ERC2: variants seen among roughly 807,000 people sequenced by gnomAD.
The protein encoded by ERC2 is ELKS/RAB6-interacting/CAST family member 2.
Under a neutral mutation model 114.8 loss-of-function variants are expected in ERC2, and 42 were observed. That is an observed-to-expected ratio of 0.37 (90% confidence interval 0.29 to 0.47). ERC2 has a LOEUF of 0.47. Among genes scored for constraint, ERC2 ranks in the 20% least tolerant of loss-of-function variants. ERC2 has a pLI of 0.99. For synonymous variants in ERC2, 454 were observed against 425.5 expected (o/e 1.07, Z -0.82); for missense variants, 939 against 1,150.7 (o/e 0.82, Z 2.66).
chr3:56,419,838 AT>A (rs1446936628), intron 2 of ERC2, among the ~76,000 whole-genome samples: 1 of 152,182 alleles, frequency 6.6e-6, no homozygotes, highest in African/African-American at 2.4e-5. Flanking sequence ...AAATTATGAC[AT>A]TTTCATCAGC....
chr3:56,013,627 G>C (rs1490939659), intron 8 of ERC2, among the ~76,000 whole-genome samples: 1 of 152,170 alleles, frequency 6.6e-6, no homozygotes. Flanking sequence ...TCTAGGCCCA[G>C]AAATGGGGGA....
chr3:56,333,864 T>C (rs2057739895), intron 2 of ERC2, among the ~76,000 whole-genome samples: 1 of 152,150 alleles, frequency 6.6e-6, no homozygotes, highest in African/African-American at 2.4e-5. Context: ...AAAGAATAAC[T>C]AAAGGAAACA....
chr3:55,533,847 C>T (rs2053823943), intron 17 of ERC2, among the ~76,000 whole-genome samples: 1 of 152,184 alleles, frequency 6.6e-6, no homozygotes, highest in African/African-American at 2.4e-5. Context: ...ATAACATTTC[C>T]TTCGAATTCA....
chr3:55,672,622 C>T (rs1469468715), intron 17 of ERC2, among the ~76,000 whole-genome samples: 2 of 152,146 alleles, frequency 1.3e-5, no homozygotes, highest in Admixed American at 6.5e-5. Context: ...GGCAAGGGTG[C>T]TATGTGAGTG....
intron 2 of ERC2, among the ~76,000 whole-genome samples, chr3:56,432,144 T>C (rs932162480): frequency 1.3e-5 from 2 of 152,262 alleles, no homozygotes; most frequent in Non-Finnish European, 2.9e-5. Context: ...CTCATCCACA[T>C]TTAATTCTTC....
intron 7 of ERC2, among the ~76,000 whole-genome samples, chr3:56,036,498 G>A (rs537681454): frequency 3.9e-5 from 6 of 152,288 alleles, no homozygotes; most frequent in African/African-American, 1.4e-4. Flanking sequence ...ATGGCTGACT[G>A]GAAGCAGCTG....
chr3:56,375,237 G>A (rs73073994), intron 2 of ERC2, among the ~76,000 whole-genome samples: 10,327 of 152,282 alleles, frequency 0.068, 546 homozygotes, highest in African/African-American at 0.14. Flanking sequence ...ATGGGAGAGC[G>A]GGAAAGGGAT....
At chr3:55,899,159 A>C (rs2063991709) in intron 13 of ERC2, among the ~76,000 whole-genome samples, 1 of 152,266 alleles carries the variant, frequency 6.6e-6, no homozygotes, top group Admixed American at 6.5e-5. Context: ...GGTGATGTTC[A>C]GAAATTATTT....
In ERC2 at chr3:55,609,888, G is replaced by A. The variant is rs754362262; in HGVS notation, c.*39+73906C>T. Reference sequence around the variant, plus strand: ...CTCAGACAGCTGTTGGAGCTCAGAAGATCTGCCTCCACCCTGCACTTTGCC... The same window carrying A: ...CTCAGACAGCTGTTGGAGCTCAGAAAATCTGCCTCCACCCTGCACTTTGCC... On this transcript the variant is annotated intron_variant, in intron 17 of 17. Transcript: ENST00000288221. Among the ~76,000 whole-genome samples the A allele has an allele frequency of 4.9e-4, 74 of 152,020 alleles. 2 individuals are homozygous for A. The highest frequency in any genetic ancestry group is 2.5e-4 in the Non-Finnish European group (17 of 67,980).
chr3:56,025,438 T>C (rs2073980922), intron 7 of ERC2, among the ~76,000 whole-genome samples: 1 of 152,238 alleles, frequency 6.6e-6, no homozygotes, highest in Admixed American at 6.5e-5. Context: ...TGGGGTCCTC[T>C]TTCAAGCTCA....
At chr3:55,656,119 T>TTTA (rs1444080683) in intron 17 of ERC2, among the ~76,000 whole-genome samples, 1 of 151,940 alleles carries the variant, frequency 6.6e-6, no homozygotes, top group East Asian at 1.9e-4. Context: ...TATTTATTTA[T>TTTA]TTATTTTTCT....
At chr3:56,239,734 T>C (rs868267716) in intron 3 of ERC2, among the ~76,000 whole-genome samples, 2 of 152,150 alleles carry the variant, frequency 1.3e-5, no homozygotes, top group African/African-American at 4.8e-5. Context: ...CTTAAACAAG[T>C]ATAGTAAAAG....
intron 15 of ERC2, among the ~76,000 whole-genome samples, chr3:55,707,940 A>T (rs188091501): frequency 1.3e-5 from 2 of 152,326 alleles, no homozygotes; most frequent in East Asian, 3.9e-4. Flanking sequence ...TCAGAGCTCA[A>T]ATAACTGGTA....
chr3:55,854,552 T>C (rs1296242862), intron 14 of ERC2, among the ~76,000 whole-genome samples: 1 of 152,112 alleles, frequency 6.6e-6, no homozygotes. Context: ...CACCAGGACA[T>C]GGGCCCTCAG....
At chr3:56,305,849 T>G (rs76619358) in intron 2 of ERC2, among the ~76,000 whole-genome samples, 2,590 of 147,558 alleles carry the variant, frequency 0.018, 30 homozygotes, top group African/African-American at 0.031. Context: ...ATTGTCTTTT[T>G]TTTGTTTGTT....
intron 17 of ERC2, among the ~76,000 whole-genome samples, chr3:55,517,844 A>T (rs867865651): frequency 2.6e-5 from 4 of 152,274 alleles, no homozygotes; most frequent in South Asian, 2.1e-4. Flanking sequence ...TAACACAAGC[A>T]TTAGGTACTC....
At chr3:56,436,300 C>T (rs563769231) in intron 1 of ERC2, among the ~76,000 whole-genome samples, 2 of 152,214 alleles carry the variant, frequency 1.3e-5, no homozygotes, top group African/African-American at 2.4e-5. Context: ...CAGGTAGTAC[C>T]ATCTAACTCA....
At chr3:55,770,965 G>C (rs575285201) in intron 14 of ERC2, among the ~76,000 whole-genome samples, 181 of 152,272 alleles carry the variant, frequency 1.2e-3, no homozygotes, top group African/African-American at 3.9e-3. Flanking sequence ...CCCCTGCCAA[G>C]GACATGAACT....
Position 55,655,073 on chromosome 3 carries a change from T to C in ERC2, c.*39+28721A>G, listed in dbSNP as rs145716241. On this transcript the variant is annotated intron_variant, in intron 17 of 17. Transcript: ENST00000288221. ...GCCCCTTGGAGCAGCCCTCGGCCGA[T>C]GACCGTCAGGAATGAAGACACACAT... is the stretch of plus-strand genomic sequence containing the variant. Among the ~76,000 whole-genome samples the C allele has an allele frequency of 1.3e-4, 20 of 151,746 alleles. No homozygotes were observed. In the East Asian group the frequency reaches 2.9e-3, roughly 22 times the overall value.
Sources: allele counts gnomAD v4.1 joint callset (sites outside exome capture counted in the v4.1 genomes callset), GRCh38; gene constraint gnomAD v4.1.1; transcripts MANE v1.5; gene names NCBI Gene and HGNC (gene_info 2026-07-23, HGNC 2026-07-21).